MACROD2: variants seen among roughly 807,000 people sequenced by gnomAD.
The protein encoded by MACROD2 is ADP-ribose glycohydrolase MACROD2.
Under a neutral mutation model 70.4 loss-of-function variants are expected in MACROD2, and 36 were observed. The observed-to-expected ratio is 0.51, with a 90% confidence interval of 0.39 to 0.68. The LOEUF (loss-of-function observed/expected upper bound fraction) is 0.68, where lower values mean the gene tolerates loss of function less well. Ranked by LOEUF, MACROD2 falls within the 30% of genes least tolerant of loss-of-function variation. The pLI, the probability that MACROD2 is intolerant of heterozygous loss-of-function variation, is 0.00. For synonymous variants in MACROD2, 172 were observed against 178.8 expected (o/e 0.96, Z 0.30); for missense variants, 496 against 538.4 (o/e 0.92, Z 0.78).
At chr20:14,860,492 C>T (rs1243847511) in intron 5 of MACROD2, among the ~76,000 whole-genome samples, 1 of 152,034 alleles carries the variant, frequency 6.6e-6, no homozygotes, top group East Asian at 1.9e-4. Context: ...AGCCTGTGGG[C>T]AGAAAACACC....
chr20:15,841,673 C>T (rs115075233), intron 8 of MACROD2, among the ~76,000 whole-genome samples: 3,173 of 152,160 alleles, frequency 0.021, 112 homozygotes, highest in African/African-American at 0.072. Flanking sequence ...GCCCTACCTC[C>T]AACACTGGAG....
intron 7 of MACROD2, among the ~76,000 whole-genome samples, chr20:15,440,069 T>C (rs1315802174): frequency 6.6e-6 from 1 of 152,164 alleles, no homozygotes; most frequent in Non-Finnish European, 1.5e-5. Flanking sequence ...TACATGGCAA[T>C]GGAATTTTTA....
intron 5 of MACROD2, among the ~76,000 whole-genome samples, chr20:14,819,625 G>C (rs192219632): frequency 2.0e-5 from 3 of 152,104 alleles, no homozygotes; most frequent in Admixed American, 2.0e-4. Flanking sequence ...AAATTCAGTT[G>C]ATAAGAGAGC....
In MACROD2 at chr20:15,267,012, AG is replaced by A. The variant is rs1238920732; in HGVS notation, c.540+36952del. 2.0e-5 allele frequency among the ~76,000 whole-genome samples: 3 copies of A among 152,208 alleles called. 1 individual carries two copies. Among genetic ancestry groups the A allele is most frequent in the African/African-American group, 7.2e-5 (3 of 41,456 alleles). ...AAATAATGTGGATTTTATTAGTAGG[AG>A]TGGAGAGAAACAACTAGGGGCTAAA... is the stretch of plus-strand genomic sequence containing the variant. On this transcript the variant is annotated intron_variant, in intron 6 of 17. Transcript: ENST00000684519.
At chr20:15,835,955 C>G (rs2064109570) in intron 8 of MACROD2, among the ~76,000 whole-genome samples, 1 of 152,170 alleles carries the variant, frequency 6.6e-6, no homozygotes, top group Non-Finnish European at 1.5e-5. Context: ...ATCTCCCTTC[C>G]CTCCACAATC....
chr20:15,908,722 G>T lies in MACROD2; in HGVS notation c.775+22911G>T, dbSNP rs562271692. 2.0e-5 allele frequency among the ~76,000 whole-genome samples: 3 copies of T among 152,232 alleles called. No homozygotes were observed. The South Asian group carries it at 6.2e-4, about 32-fold the overall frequency. On this transcript the variant is annotated intron_variant, in intron 10 of 17. Coordinates refer to ENST00000684519, the MANE Select transcript of MACROD2 (RefSeq NM_001351661.2). ...AAATGCACCTTTGCGGTGGTGGTTT[G>T]GTTTTCTTTATCTCTCTTATTTCTT...
chr20:15,961,600 G>C (rs2066062580), intron 12 of MACROD2, among the ~76,000 whole-genome samples: 2 of 152,154 alleles, frequency 1.3e-5, no homozygotes, highest in African/African-American at 4.8e-5. Context: ...CCGATGCCAG[G>C]CTGTCGGTTC....
chr20:14,176,387 G>A (rs1036836357), intron 3 of MACROD2, among the ~76,000 whole-genome samples: 1 of 152,166 alleles, frequency 6.6e-6, no homozygotes, highest in African/African-American at 2.4e-5. Context: ...AGTTAAGGTG[G>A]TGACCTCTCA....
At chr20:14,515,551 A>C (rs1356199327) in intron 4 of MACROD2, among the ~76,000 whole-genome samples, 1 of 151,954 alleles carries the variant, frequency 6.6e-6, no homozygotes, top group Non-Finnish European at 1.5e-5. Context: ...ATTTGTGACA[A>C]CATGGATGGA....
chr20:14,401,038 G>T (rs1474098231), intron 3 of MACROD2, among the ~76,000 whole-genome samples: 2 of 152,116 alleles, frequency 1.3e-5, no homozygotes, highest in Non-Finnish European at 2.9e-5. Flanking sequence ...GGTTGAAGTG[G>T]CTGGTCAATT....
intron 5 of MACROD2, among the ~76,000 whole-genome samples, chr20:15,169,165 A>T (rs1483391316): frequency 6.6e-6 from 1 of 152,206 alleles, no homozygotes; most frequent in African/African-American, 2.4e-5. Context: ...ATTTTATGTT[A>T]TGTATATTTC....
At chr20:14,394,029 G>C (rs2083554810) in intron 3 of MACROD2, among the ~76,000 whole-genome samples, 1 of 152,130 alleles carries the variant, frequency 6.6e-6, no homozygotes, top group Admixed American at 6.5e-5. Context: ...CCTAGTCTAT[G>C]GAACTGTGAG....
At chr20:15,191,929 T>G (rs62202859) in intron 5 of MACROD2, among the ~76,000 whole-genome samples, 1,659 of 86,428 alleles carry the variant, frequency 0.019, 47 homozygotes, top group East Asian at 0.046. Flanking sequence ...TATATATATA[T>G]ATAGAGAGAG....
chr20:15,896,616 TGAAG>T (rs2064977451), intron 10 of MACROD2, among the ~76,000 whole-genome samples: 1 of 152,214 alleles, frequency 6.6e-6, no homozygotes, highest in South Asian at 2.1e-4. Context: ...ACAAATTTTT[TGAAG>T]GAAGAAATAT....
intron 17 of MACROD2, among the ~76,000 whole-genome samples, chr20:16,048,957 G>C (rs2067420913): frequency 6.6e-6 from 1 of 152,148 alleles, no homozygotes; most frequent in African/African-American, 2.4e-5. Context: ...ACATACATGG[G>C]AATTCTAGTT....
At chr20:14,464,437 G>T (rs147122649) in intron 3 of MACROD2, among the ~76,000 whole-genome samples, 69,484 of 151,550 alleles carry the variant, frequency 0.46, 16,485 homozygotes, top group Non-Finnish European at 0.51. Flanking sequence ...TCTTCTTTAT[G>T]AGTCTTGCTA....
intron 8 of MACROD2, among the ~76,000 whole-genome samples, chr20:15,669,933 G>T (rs115019289): frequency 6.6e-6 from 1 of 152,154 alleles, no homozygotes; most frequent in Non-Finnish European, 1.5e-5. Context: ...GCATGGTGCT[G>T]TGTGTTTTGT....
chr20:15,037,767 T>C (rs1202900713), intron 5 of MACROD2, among the ~76,000 whole-genome samples: 1 of 152,138 alleles, frequency 6.6e-6, no homozygotes, highest in African/African-American at 2.4e-5. Flanking sequence ...ACATGTTAGT[T>C]TCCTCATCTA....
chr20:14,208,228 G>A (rs1185697597), intron 3 of MACROD2, among the ~76,000 whole-genome samples: 1 of 152,150 alleles, frequency 6.6e-6, no homozygotes, highest in Admixed American at 6.5e-5. Flanking sequence ...GGATTACAGG[G>A]TCTTGGGTAT....
Sources: gnomAD v4.1 joint callset for allele counts (sites outside exome capture counted in the v4.1 genomes callset) on GRCh38, gnomAD v4.1.1 for gene constraint, MANE v1.5 for transcripts, NCBI Gene and HGNC (gene_info 2026-07-23, HGNC 2026-07-21) for gene names.